The following EPB41L3 variants were observed in gnomAD, a reference collection of about 807,000 sequenced individuals.
EPB41L3 encodes the protein erythrocyte membrane protein band 4.1 like 3, also known as band 4.1-like protein 3.
Under a neutral mutation model 127.1 loss-of-function variants are expected in EPB41L3, and 57 were observed. The observed-to-expected ratio is 0.45, with a 90% CI of 0.36 to 0.56. The LOEUF (loss-of-function observed/expected upper bound fraction) is 0.56. EPB41L3 is among the 20% of genes least tolerant of loss of function. EPB41L3 has a pLI of 0.00. For synonymous variants in EPB41L3, 572 were observed against 549.5 expected (o/e 1.04, Z -0.57); for missense variants, 1,273 against 1,372.2 (o/e 0.93, Z 1.14).
chr18:5,406,680 T>A, intron 16 of EPB41L3, 97 bp downstream of exon 16: 2 of 1,141,432 alleles, frequency 1.8e-6, no homozygotes, highest in Non-Finnish European at 2.5e-6. Context: ...GAAGAGAGAT[T>A]TTCTACCCAG....
At chr18:5,587,133 G>A (rs2094448469) in intron 3 of EPB41L3, among the ~76,000 whole-genome samples, 1 of 152,118 alleles carries the variant, frequency 6.6e-6, no homozygotes, top group Non-Finnish European at 1.5e-5. Flanking sequence ...AATTTGTAAG[G>A]AGAAAAATCT....
At chr18:5,516,247 G>A (rs1395268742) in intron 1 of EPB41L3, among the ~76,000 whole-genome samples, 2 of 152,212 alleles carry the variant, frequency 1.3e-5, no homozygotes, top group Non-Finnish European at 2.9e-5. Context: ...ACTTTCCAAG[G>A]GCTCATCTAA....
intron 1 of EPB41L3, among the ~76,000 whole-genome samples, chr18:5,534,941 T>C (rs183223269): frequency 6.6e-6 from 1 of 152,220 alleles, no homozygotes; most frequent in East Asian, 1.9e-4. Flanking sequence ...CTCTAGCTCT[T>C]TGTATTTTCT....
chr18:5,409,481 A>C (rs1309077598), intron 14 of EPB41L3, among the ~76,000 whole-genome samples: 1 of 152,172 alleles, frequency 6.6e-6, no homozygotes, highest in East Asian at 1.9e-4. Context: ...ATGATTGCTT[A>C]AAAGAATCTG....
chr18:5,625,369 G>A (rs1458821349), intron 1 of EPB41L3, among the ~76,000 whole-genome samples: 9 of 152,166 alleles, frequency 5.9e-5, no homozygotes, highest in African/African-American at 2.2e-4. Flanking sequence ...ACACCACGGG[G>A]ACCCTGACGT....
intron 3 of EPB41L3, among the ~76,000 whole-genome samples, chr18:5,552,092 T>C (rs1224528650): frequency 2.0e-5 from 3 of 152,234 alleles, no homozygotes; most frequent in Non-Finnish European, 2.9e-5. Flanking sequence ...CTTTAAAAAA[T>C]TACCTGAAGT....
intron 3 of EPB41L3, among the ~76,000 whole-genome samples, chr18:5,455,882 G>A (rs892694471): frequency 1.1e-4 from 17 of 151,012 alleles, no homozygotes; most frequent in African/African-American, 4.1e-4. Context: ...CAAAATGAAC[G>A]CAGAAAAGGA....
At chr18:5,476,781 A>G (rs2087321675) in intron 3 of EPB41L3, among the ~76,000 whole-genome samples, 1 of 152,226 alleles carries the variant, frequency 6.6e-6, no homozygotes, top group Non-Finnish European at 1.5e-5. Flanking sequence ...AGCTAGAAGT[A>G]TATTACTGGA....
At chr18:5,595,393 C>T (rs558523967) in intron 3 of EPB41L3, among the ~76,000 whole-genome samples, 1 of 152,094 alleles carries the variant, frequency 6.6e-6, no homozygotes, top group African/African-American at 2.4e-5. Flanking sequence ...CACGCCCTCC[C>T]CAGAAGCCAG....
intron 1 of EPB41L3, among the ~76,000 whole-genome samples, chr18:5,622,547 T>A (rs978873469): frequency 1.3e-5 from 2 of 152,254 alleles, no homozygotes; most frequent in Admixed American, 6.5e-5. Flanking sequence ...TGTATCACCA[T>A]GTTTATTCTG....
chr18:5,565,036 G>A (rs977664752), intron 3 of EPB41L3, among the ~76,000 whole-genome samples: 4 of 152,200 alleles, frequency 2.6e-5, no homozygotes, highest in East Asian at 1.9e-4. Context: ...ACTGGAGCAC[G>A]CATGCCCCTG....
intron 3 of EPB41L3, among the ~76,000 whole-genome samples, chr18:5,557,890 C>A (rs1013284258): frequency 6.6e-6 from 1 of 152,122 alleles, no homozygotes; most frequent in African/African-American, 2.4e-5. Context: ...AAAACAAAAC[C>A]CTGAGTTTTA....
chr18:5,395,004 T>G (rs745342175), intron 21 of EPB41L3, 63 bp downstream of exon 21: 1 of 1,511,636 alleles, frequency 6.6e-7, no homozygotes, highest in South Asian at 1.1e-5. Flanking sequence ...GCATTGAAAC[T>G]GTAGGACCAA....
intron 3 of EPB41L3, among the ~76,000 whole-genome samples, chr18:5,582,160 C>T (rs2094399529): frequency 6.6e-6 from 1 of 152,152 alleles, no homozygotes; most frequent in Admixed American, 6.5e-5. Context: ...TCAAAGACCA[C>T]AGAGGCTTTT....
At chr18:5,515,539 A>T (rs975028724) in intron 1 of EPB41L3, among the ~76,000 whole-genome samples, 3 of 149,674 alleles carry the variant, frequency 2.0e-5, no homozygotes, top group African/African-American at 5.0e-5. Flanking sequence ...AGTTACAACA[A>T]CTCTCTTGGT....
At chr18:5,451,329 C>T (rs2082254317) in intron 3 of EPB41L3, among the ~76,000 whole-genome samples, 1 of 152,140 alleles carries the variant, frequency 6.6e-6, no homozygotes, top group African/African-American at 2.4e-5. Flanking sequence ...TGTTTCAATC[C>T]ATCTCAGGCA....
chr18:5,415,995 C>T lies in EPB41L3; in HGVS notation c.1890G>A (p.Pro630=), dbSNP rs770492712. The stretch of plus-strand genomic sequence containing the variant: ...TGAAGAGGAAACAGGGCACAAGGGA[C>T]GGTGAGCGGATCGGGAGGTAATGCT... ...SLQHYLPIRS[P]SLVPCFLFIF... Residue 630 remains proline (P), a synonymous_variant, in exon 13 of 23, where the codon CCG becomes CCA. Coordinates refer to ENST00000341928, the MANE Select transcript of EPB41L3 (RefSeq NM_012307.5). The T allele has an allele frequency of 4.4e-5, 71 of 1,613,898 alleles. No individual in the cohort carries two copies. Among genetic ancestry groups the T allele is most frequent in the Admixed American group, 2.5e-4 (15 of 59,974 alleles).
intron 1 of EPB41L3, among the ~76,000 whole-genome samples, chr18:5,516,498 T>C (rs1164846704): frequency 1.3e-5 from 2 of 152,176 alleles, no homozygotes; most frequent in African/African-American, 2.4e-5. Flanking sequence ...AAAGGGGCTT[T>C]AAAACCATCT....
intron 16 of EPB41L3, among the ~76,000 whole-genome samples, chr18:5,401,399 C>T (rs1412825372): frequency 6.6e-6 from 1 of 151,956 alleles, no homozygotes; most frequent in Non-Finnish European, 1.5e-5. Flanking sequence ...ATGTTGGTAT[C>T]AAAAAGTGGG....
Sources: allele counts gnomAD v4.1 joint callset (sites outside exome capture counted in the v4.1 genomes callset), GRCh38; gene constraint gnomAD v4.1.1; transcripts MANE v1.5; gene names NCBI Gene and HGNC (gene_info 2026-07-23, HGNC 2026-07-21).